Variants in PAK3 observed in about 807,000 individuals in gnomAD.
PAK3 encodes the protein serine/threonine-protein kinase PAK 3.
A neutral mutation model predicts 41.0 loss-of-function variants in PAK3; 4 were observed. That is an observed-to-expected ratio of 0.10 (90% CI 0.05 to 0.22). The LOEUF (loss-of-function observed/expected upper bound fraction) is 0.22, where lower values mean the gene tolerates loss of function less well. Among genes scored for constraint, PAK3 ranks in the 10% least tolerant of loss-of-function variants. PAK3 has a pLI of 1.00. For synonymous variants in PAK3, 146 were observed against 139.6 expected, an observed-to-expected ratio of 1.05 and a Z score of -0.32; for missense variants, 205 against 409.9, an observed-to-expected ratio of 0.50 and a Z score of 4.32.
At chrX:111,043,400 C>A (rs2092470155) in intron 1 of PAK3, among the ~76,000 whole-genome samples, 1 of 111,863 alleles carries the variant, frequency 8.9e-6, no homozygotes, top group South Asian at 3.8e-4. Context: ...CAGTCTCACT[C>A]CGTTTCTTCA....
chrX:111,075,391 C>T (rs2092776331), intron 1 of PAK3, among the ~76,000 whole-genome samples: 2 of 112,761 alleles, frequency 1.8e-5, no homozygotes, highest in African/African-American at 6.4e-5. Flanking sequence ...CCTACTGCTC[C>T]AGCTCCAGCT....
chrX:111,214,668 T>C (rs1473884882), intron 16 of PAK3, among the ~76,000 whole-genome samples: 4 of 111,299 alleles, frequency 3.6e-5, no homozygotes, highest in African/African-American at 1.3e-4. Context: ...ATGCATGCTA[T>C]AAAGTTGACA....
intron 1 of PAK3, among the ~76,000 whole-genome samples, chrX:111,088,342 G>C (rs1413614399): frequency 8.9e-6 from 1 of 111,956 alleles, no homozygotes; most frequent in Non-Finnish European, 1.9e-5. Flanking sequence ...ATAAAATAGT[G>C]AACCTGGGAT....
Position 111,142,213 on chromosome X carries a change from T to G in PAK3, c.276+17T>G. 1.1e-6 allele frequency: 1 copy of G among 921,570 alleles called. No homozygotes were observed. The highest frequency in any genetic ancestry group is 1.9e-5 in the African/African-American group (1 of 52,466). 75.9% of individuals were successfully genotyped at this position (921,570 alleles called of 1,213,427 possible). A position where few individuals can be genotyped will look rare whatever the true frequency, so the allele number is the denominator to read the frequency against. On this transcript the variant is annotated intron_variant, in intron 6 of 17. Coordinates refer to ENST00000372007, the MANE Select transcript of PAK3 (RefSeq NM_002578.5). ...GAATTCACTGTAAGTAAGCTCCTTG[T>G]TTTGTTTTGTAAGCCACGAAAGAAT...
chrX:110,985,758 G>A (rs1324914943), intron 1 of PAK3, among the ~76,000 whole-genome samples: 1 of 112,239 alleles, frequency 8.9e-6, no homozygotes, highest in Non-Finnish European at 1.9e-5. Context: ...AACCTTATAA[G>A]GTATTTCCTA....
intron 1 of PAK3, among the ~76,000 whole-genome samples, chrX:111,056,840 T>C (rs1218943006): frequency 8.9e-6 from 1 of 111,818 alleles, no homozygotes; most frequent in African/African-American, 3.3e-5. Flanking sequence ...CCTTGTGTAA[T>C]TGAACTGGAG....
intron 1 of PAK3, among the ~76,000 whole-genome samples, chrX:110,952,906 G>A (rs2090774444): frequency 8.9e-6 from 1 of 111,762 alleles, no homozygotes; most frequent in Admixed American, 9.5e-5. Context: ...GCTAATGAAT[G>A]TCCTGTTTTA....
chrX:110,999,451 T>C (rs1210856884), intron 1 of PAK3, among the ~76,000 whole-genome samples: 1 of 110,555 alleles, frequency 9.0e-6, no homozygotes, highest in Non-Finnish European at 1.9e-5. Context: ...GGCTGGCACA[T>C]AGGAGGTGCT....
intron 1 of PAK3, among the ~76,000 whole-genome samples, chrX:111,057,725 AT>A (rs34108577): frequency 0.02 from 2,280 of 111,441 alleles, 54 homozygotes; most frequent in African/African-American, 0.07. Flanking sequence ...AAATAGAACA[AT>A]TCAGTGGTTT....
intron 16 of PAK3, among the ~76,000 whole-genome samples, chrX:111,200,592 C>T (rs1013605317): frequency 8.9e-6 from 1 of 112,196 alleles, no homozygotes; most frequent in Non-Finnish European, 1.9e-5. Context: ...TATGGTCCAG[C>T]GCATCAGGAT....
At chrX:111,080,452 T>C (rs1161760667) in intron 1 of PAK3, among the ~76,000 whole-genome samples, 1 of 112,553 alleles carries the variant, frequency 8.9e-6, no homozygotes, top group Non-Finnish European at 1.9e-5. Flanking sequence ...CTATGTATAT[T>C]GTTCTTTAGA....
intron 1 of PAK3, among the ~76,000 whole-genome samples, chrX:111,051,515 A>G (rs895319354): frequency 8.1e-5 from 9 of 111,614 alleles, no homozygotes; most frequent in Non-Finnish European, 1.5e-4. Context: ...GGTCTTCCAT[A>G]TTGAACATTT....
intron 11 of PAK3, among the ~76,000 whole-genome samples, chrX:111,181,417 C>T (rs1165861298): frequency 9.0e-6 from 1 of 111,248 alleles, no homozygotes; most frequent in East Asian, 2.8e-4. Flanking sequence ...ATGATATGTT[C>T]AATTCATCAA....
chrX:111,181,068 T>TGAATTA (rs1400486755), intron 11 of PAK3, among the ~76,000 whole-genome samples: 1 of 111,578 alleles, frequency 9.0e-6, no homozygotes, highest in Admixed American at 9.6e-5. Context: ...ATTCACTTAT[T>TGAATTA]TGGGATTATA....
chrX:111,028,614 AAGTC>A (rs1268857199), intron 1 of PAK3, among the ~76,000 whole-genome samples: 1 of 112,050 alleles, frequency 8.9e-6, no homozygotes, highest in Non-Finnish European at 1.9e-5. Flanking sequence ...ACCAATATGG[AAGTC>A]AGCTAGATAC....
chrX:111,192,895 GAGT>G (rs1429683402), intron 13 of PAK3, among the ~76,000 whole-genome samples: 1 of 111,668 alleles, frequency 9.0e-6, no homozygotes, highest in Non-Finnish European at 1.9e-5. Context: ...ATATAGGAGG[GAGT>G]AGTGGTTTAA....
intron 4 of PAK3, 93 bp from the exon 5 acceptor site, chrX:111,122,984 T>A (rs2093600585): frequency 1.7e-6 from 1 of 599,633 alleles, no homozygotes; most frequent in Non-Finnish European, 2.9e-6. Context: ...ATGAGAGCAA[T>A]GCTTTTGTTT....
chrX:111,039,994 C>CAAA (rs141289134), intron 1 of PAK3, among the ~76,000 whole-genome samples: 7 of 49,229 alleles, frequency 1.4e-4, no homozygotes, highest in Middle Eastern at 8.5e-3. Context: ...GTAGATGGAG[C>CAAA]AAAAAAAAAA....
intron 5 of PAK3, among the ~76,000 whole-genome samples, chrX:111,135,948 G>T (rs2093783019): frequency 8.9e-6 from 1 of 111,741 alleles, no homozygotes; most frequent in South Asian, 3.8e-4. Flanking sequence ...CCAGTAGAGA[G>T]GGAGAGATTG....
Sources: gnomAD v4.1 joint callset for allele counts (sites outside exome capture counted in the v4.1 genomes callset) on GRCh38, gnomAD v4.1.1 for gene constraint, MANE v1.5 for transcripts, NCBI Gene and HGNC (gene_info 2026-07-23, HGNC 2026-07-21) for gene names.